Variants in ADAMTS6 observed in about 807,000 individuals in gnomAD.
ADAMTS6 encodes the protein ADAM metallopeptidase with thrombospondin type 1 motif 6, also known as A disintegrin and metalloproteinase with thrombospondin motifs 6.
A neutral mutation model predicts 144.3 loss-of-function variants in ADAMTS6; 23 were observed. The ratio of observed to expected loss-of-function variants is 0.16; its 90% CI spans 0.11 to 0.23. The LOEUF (loss-of-function observed/expected upper bound fraction) is 0.23. Ranked by LOEUF, ADAMTS6 falls within the 10% of genes least tolerant of loss-of-function variation. The pLI, the probability that ADAMTS6 is intolerant of heterozygous loss-of-function variation, is 1.00. For missense variants in ADAMTS6, 999 were observed against 1,379.6 expected (o/e 0.72, Z 4.37); for synonymous variants, 444 against 457.5 (o/e 0.97, Z 0.38).
At chr5:65,448,895 T>C (rs1393008387) in intron 7 of ADAMTS6, among the ~76,000 whole-genome samples, 1 of 152,184 alleles carries the variant, frequency 6.6e-6, no homozygotes, top group African/African-American at 2.4e-5. Context: ...ATTTTCAATA[T>C]TAATACAAAA....
At chr5:65,452,417 A>C (rs1758826381) in intron 5 of ADAMTS6, among the ~76,000 whole-genome samples, 1 of 151,794 alleles carries the variant, frequency 6.6e-6, no homozygotes. Context: ...CCTCCTAGAC[A>C]TGAACTACAG....
chr5:65,388,402 C>T (rs1201801887), intron 7 of ADAMTS6, among the ~76,000 whole-genome samples: 1 of 152,110 alleles, frequency 6.6e-6, no homozygotes, highest in Non-Finnish European at 1.5e-5. Flanking sequence ...GAAGTTATAA[C>T]ACTGAAACCC....
intron 7 of ADAMTS6, among the ~76,000 whole-genome samples, chr5:65,349,754 C>T (rs1010524320): frequency 6.6e-6 from 1 of 151,466 alleles, no homozygotes; most frequent in African/African-American, 2.4e-5. Flanking sequence ...ACTTGGGAGG[C>T]TGAGACAAGA....
chr5:65,294,941 TATATA>T (rs1742690102), intron 10 of ADAMTS6, among the ~76,000 whole-genome samples: 2 of 152,148 alleles, frequency 1.3e-5, no homozygotes, highest in Admixed American at 6.6e-5. Flanking sequence ...TTTGAGACTT[TATATA>T]AAAGTAGTCA....
chr5:65,159,862 A>C (rs1752647817), intron 24 of ADAMTS6, among the ~76,000 whole-genome samples: 1 of 152,236 alleles, frequency 6.6e-6, no homozygotes, highest in Admixed American at 6.5e-5. Context: ...AGATATATGC[A>C]CATATATGAA....
intron 11 of ADAMTS6, among the ~76,000 whole-genome samples, chr5:65,279,711 A>G (rs559085812): frequency 6.6e-6 from 1 of 152,284 alleles, no homozygotes; most frequent in South Asian, 2.1e-4. Context: ...ACTATTAGTT[A>G]TTATCTCTTT....
At position 65,421,131 on chromosome 5, in the gene ADAMTS6, T is replaced by G. The variant is rs182132155; in HGVS notation, c.1073+30344A>C. ...CACGTTGACTGTTATCAAGATACTT[T>G]GTTTTTTTCATTGTGTTATTTTAGA... On this transcript the variant is annotated intron_variant, in intron 7 of 24. Coordinates refer to ENST00000381055, the MANE Select transcript of ADAMTS6 (RefSeq NM_197941.4). Among the ~76,000 whole-genome samples the G allele has an allele frequency of 4.0e-3, 613 of 152,356 alleles. 2 individuals carry two copies. The highest frequency in any genetic ancestry group is 6.7e-3 in the Non-Finnish European group (457 of 68,020).
chr5:65,478,021 G>C (rs1164328513), intron 1 of ADAMTS6, among the ~76,000 whole-genome samples: 1 of 151,940 alleles, frequency 6.6e-6, no homozygotes, highest in African/African-American at 2.4e-5. Flanking sequence ...CAGCTACTCA[G>C]GGGGCTGAGG....
intron 9 of ADAMTS6, among the ~76,000 whole-genome samples, chr5:65,311,297 T>G (rs1744474185): frequency 6.7e-6 from 1 of 149,994 alleles, no homozygotes; most frequent in Middle Eastern, 3.4e-3. Context: ...AAGGGGAGAG[T>G]TTTTGGTCAA....
intron 7 of ADAMTS6, among the ~76,000 whole-genome samples, chr5:65,345,926 G>C (rs1748277655): frequency 6.6e-6 from 1 of 151,876 alleles, no homozygotes; most frequent in Admixed American, 6.6e-5. Context: ...GCACAGTTGT[G>C]CTCATGCCAT....
Position 65,148,790 on chromosome 5 carries a change from T to C in ADAMTS6, c.*3046A>G, listed in dbSNP as rs1482100491. On this transcript the variant is annotated 3_prime_UTR_variant, in exon 25 of 25. Coordinates refer to ENST00000381055, the MANE Select transcript of ADAMTS6 (RefSeq NM_197941.4). ...TACTAAATTATCTATGTCAAAAAAA[T>C]TCTGTGCCTGGCGTGGAATTTCACT... 6.6e-6 allele frequency: 1 copy of C among 152,524 alleles called. No individual in the cohort carries two copies. The highest frequency in any genetic ancestry group is 6.6e-5 in the Admixed American group (1 of 15,266). 9.4% of individuals were successfully genotyped at this position (152,524 alleles called of 1,614,324 possible).
chr5:65,444,655 G>A (rs971906197), intron 7 of ADAMTS6, among the ~76,000 whole-genome samples: 3 of 152,116 alleles, frequency 2.0e-5, no homozygotes, highest in African/African-American at 4.8e-5. Flanking sequence ...ATGTCAGTTC[G>A]CTAGACCACA....
chr5:65,223,930 G>C (rs897250263), intron 18 of ADAMTS6, among the ~76,000 whole-genome samples: 6 of 151,630 alleles, frequency 4.0e-5, no homozygotes, highest in Non-Finnish European at 8.8e-5. Context: ...CTCCCGAGTA[G>C]CTGGGACTAC....
chr5:65,404,145 C>A (rs1254554499), intron 7 of ADAMTS6, among the ~76,000 whole-genome samples: 2 of 151,744 alleles, frequency 1.3e-5, no homozygotes, highest in African/African-American at 4.8e-5. Flanking sequence ...AAATATAATT[C>A]ACTTAGTTTT....
chr5:65,307,088 C>T (rs965796820), intron 9 of ADAMTS6, among the ~76,000 whole-genome samples: 2 of 152,100 alleles, frequency 1.3e-5, no homozygotes, highest in African/African-American at 2.4e-5. Context: ...CTTCTTTACC[C>T]TAAGGTCATG....
At chr5:65,349,943 T>C (rs566056597) in intron 7 of ADAMTS6, among the ~76,000 whole-genome samples, 2 of 152,310 alleles carry the variant, frequency 1.3e-5, no homozygotes, top group South Asian at 2.1e-4. Context: ...ACAGAATTCA[T>C]TGTAACTTTA....
intron 22 of ADAMTS6, among the ~76,000 whole-genome samples, chr5:65,187,506 T>A (rs1467324616): frequency 2.6e-5 from 4 of 152,194 alleles, no homozygotes; most frequent in Non-Finnish European, 5.9e-5. Context: ...AGGTCGTAAG[T>A]GATAATGAAT....
intron 7 of ADAMTS6, among the ~76,000 whole-genome samples, chr5:65,349,807 A>G (rs1748680051): frequency 6.6e-6 from 1 of 151,766 alleles, no homozygotes; most frequent in African/African-American, 2.4e-5. Context: ...GTGAGCCGAG[A>G]TCGTGCCACT....
intron 7 of ADAMTS6, among the ~76,000 whole-genome samples, chr5:65,345,436 A>C (rs961303306): frequency 7.2e-5 from 11 of 151,804 alleles, no homozygotes; most frequent in Admixed American, 5.9e-4. Flanking sequence ...GTAAATAGAT[A>C]ATGGAATATG....
Sources: gnomAD v4.1 joint callset for allele counts (sites outside exome capture counted in the v4.1 genomes callset) on GRCh38, gnomAD v4.1.1 for gene constraint, MANE v1.5 for transcripts, NCBI Gene and HGNC (gene_info 2026-07-23, HGNC 2026-07-21) for gene names.